Variants in CCDC85C observed in about 807,000 individuals in gnomAD.
The protein encoded by CCDC85C is coiled-coil domain containing 85C.
A neutral mutation model predicts 38.3 loss-of-function variants in CCDC85C; 18 were observed. The observed-to-expected ratio is 0.47, with a 90% confidence interval of 0.33 to 0.70. The LOEUF (loss-of-function observed/expected upper bound fraction) is 0.70, where lower values mean the gene tolerates loss of function less well. Ranked by LOEUF, CCDC85C falls within the 30% of genes least tolerant of loss-of-function variation. The pLI is 0.03. For synonymous variants in CCDC85C, 264 were observed against 293.8 expected (o/e 0.90, Z 1.04); for missense variants, 566 against 621.2 (o/e 0.91, Z 0.94).
rs1444020283 is a variant in CCDC85C, at chr14:99,515,330, G to C, written c.1176C>G (p.Val392=). 2 of 1,550,032 alleles carry C rather than the reference G, an allele frequency of 1.3e-6. No individual in the cohort carries two copies. Among genetic ancestry groups the C allele is most frequent in the Admixed American group, 2.0e-5 (1 of 50,990 alleles). ...KAIVREMCNV[V]WRKLGDAASS... is the part of the protein sequence containing the mutation. ...TGGCTGCATCTCCCAGCTTTCTCCA[G>C]ACCACCTGTGGAGAGGAGAGAGATG... The change falls in exon 6 of 6, where the codon GTC becomes GTG. Residue 392 remains valine, a synonymous_variant. Coordinates refer to ENST00000380243, the MANE Select transcript of CCDC85C (RefSeq NM_001144995.2).
chr14:99,555,626 C>T (rs1473551032), intron 1 of CCDC85C, among the ~76,000 whole-genome samples: 1 of 152,178 alleles, frequency 6.6e-6, no homozygotes, highest in Non-Finnish European at 1.5e-5. Flanking sequence ...AAAGGGGAAG[C>T]GGCCCTCCCA....
intron 1 of CCDC85C, among the ~76,000 whole-genome samples, chr14:99,557,611 G>C (rs1253180913): frequency 6.6e-6 from 1 of 152,204 alleles, no homozygotes; most frequent in East Asian, 1.9e-4. Context: ...ATGGCTCAGA[G>C]AAAGGAATGC....
intron 1 of CCDC85C, among the ~76,000 whole-genome samples, chr14:99,580,563 G>A (rs2054957629): frequency 6.6e-6 from 1 of 151,922 alleles, no homozygotes; most frequent in Non-Finnish European, 1.5e-5. Flanking sequence ...GGCTAATGGT[G>A]TTAAGGAACT....
rs939913445 is a variant in CCDC85C, at chr14:99,515,212, A to T, written c.*34T>A. On this transcript the variant is annotated 3_prime_UTR_variant, in exon 6 of 6. Transcript: ENST00000380243. Reference sequence around the variant, plus strand: ...CCTGAAACTCCCCCTGGGGACCCCCAGCAGGGCCAGTCCACGTCCACAGAA... The same window carrying T: ...CCTGAAACTCCCCCTGGGGACCCCCTGCAGGGCCAGTCCACGTCCACAGAA... The T allele has an allele frequency of 6.6e-7, 1 of 1,509,004 alleles. No individual in the cohort carries two copies. The highest frequency in any genetic ancestry group is 9.0e-7 in the Non-Finnish European group (1 of 1,111,860). 93.5% of individuals were successfully genotyped at this position (1,509,004 alleles called of 1,614,324 possible). A position where few individuals can be genotyped will look rare whatever the true frequency, so the allele number is the denominator to read the frequency against.
chr14:99,594,577 A>G (rs1431760323), intron 1 of CCDC85C, among the ~76,000 whole-genome samples: 2 of 152,238 alleles, frequency 1.3e-5, no homozygotes, highest in African/African-American at 4.8e-5. Context: ...CCAGGAATAT[A>G]AAAGAGCTGG....
intron 2 of CCDC85C, chr14:99,534,872 A>C (rs1225866465): frequency 1.6e-6 from 1 of 614,536 alleles, no homozygotes; most frequent in African/African-American, 1.8e-5. Flanking sequence ...CAGCCTTGCC[A>C]TTCAGAGCTT....
chr14:99,561,813 CG>C (rs1206547688), intron 1 of CCDC85C, among the ~76,000 whole-genome samples: 1 of 152,174 alleles, frequency 6.6e-6, no homozygotes, highest in East Asian at 1.9e-4. Flanking sequence ...AGCAGGGAGA[CG>C]GCCTTAGGTT....
In CCDC85C at chr14:99,544,382, G is replaced by A. The variant is rs1897767817; in HGVS notation, c.794-8294C>T. 1.3e-5 allele frequency among the ~76,000 whole-genome samples: 2 copies of A among 152,136 alleles called. No homozygotes were observed. Among genetic ancestry groups the A allele is most frequent in the East Asian group, 1.9e-4 (1 of 5,182 alleles). ...TTCATTCTAAGCTTTGCCTGGCAAG[G>A]AGGCACAGCAACTTTCACCTACTCC... On this transcript the variant is annotated intron_variant, in intron 1 of 5. Transcript: ENST00000380243. The surrounding 1 kb of genome is among the most constrained non-coding windows in gnomAD (Gnocchi z 5.3).
At chr14:99,534,923 G>A (rs1897564253) in intron 2 of CCDC85C, 6 of 583,662 alleles carry the variant, frequency 1.0e-5, no homozygotes, top group South Asian at 2.0e-5. Flanking sequence ...GGAGTGGGGG[G>A]CGGGGTGTGG....
In CCDC85C at chr14:99,569,564, C is replaced by T. The variant is rs887725409; in HGVS notation, c.794-33476G>A. Reference sequence around the variant, plus strand: ...AGGAAGGCTTTGAACAGACAAGAGACAGTGATTCAACGGTCCCAGGCCAAA... The same window carrying T: ...AGGAAGGCTTTGAACAGACAAGAGATAGTGATTCAACGGTCCCAGGCCAAA... On this transcript the variant is annotated intron_variant, in intron 1 of 5. Transcript: ENST00000380243. This position sits in a 1 kb window ranked among gnomAD's most constrained non-coding sequence, Gnocchi z 4.3. Among the ~76,000 whole-genome samples the T allele has an allele frequency of 2.0e-5, 3 of 152,312 alleles. No homozygotes were observed. Among genetic ancestry groups the T allele is most frequent in the East Asian group, 1.9e-4 (1 of 5,178 alleles).
At position 99,507,358 on chromosome 14, in the gene CCDC85C, C is replaced by T. The variant is rs1897001409; in HGVS notation, c.*7888G>A. ...TTGGGAGGCGGAGGCAGGAGAATCA[C>T]CTGACCCCAGGAGTTCGAGGTCAGC... On this transcript the variant is annotated 3_prime_UTR_variant, in exon 6 of 6. Transcript: ENST00000380243. 5 of 560,710 alleles carry T rather than the reference C, an allele frequency of 8.9e-6. No individual in the cohort carries two copies. The highest frequency in any genetic ancestry group is 1.6e-5 in the Non-Finnish European group (5 of 310,822). The allele number at this position is 560,710 out of a possible 1,614,324, so 34.7% of individuals were successfully genotyped here. A position where few individuals can be genotyped will look rare whatever the true frequency, so the allele number is the denominator to read the frequency against.
intron 1 of CCDC85C, chr14:99,580,029 G>A (rs938793190): frequency 4.8e-5 from 22 of 455,592 alleles, no homozygotes; most frequent in Non-Finnish European, 8.4e-5. Flanking sequence ...ACCCCGGAGT[G>A]AGTCACATGG....
At chr14:99,557,417 A>G (rs1898033354) in intron 1 of CCDC85C, among the ~76,000 whole-genome samples, 1 of 152,124 alleles carries the variant, frequency 6.6e-6, no homozygotes, top group Non-Finnish European at 1.5e-5. Context: ...TGCCTGGCTC[A>G]CTCTGTGATC....
rs542787565 is a variant in CCDC85C, at chr14:99,510,783, C to T, written c.*4463G>A. 89 of 1,432,500 alleles carry T rather than the reference C, an allele frequency of 6.2e-5. No homozygotes were observed. Among genetic ancestry groups the T allele is most frequent in the Non-Finnish European group, 7.6e-5 (83 of 1,093,834 alleles). 88.7% of individuals were successfully genotyped at this position (1,432,500 alleles called of 1,614,324 possible). On this transcript the variant is annotated 3_prime_UTR_variant, in exon 6 of 6. Transcript: ENST00000380243. The stretch of plus-strand genomic sequence containing the variant: ...GGGGCGGGCAGCCTGGATGAGATAA[C>T]GTGAGCCTTTTTTCCCTCTTTGTTT...
chr14:99,565,450 AC>A (rs1898197650), intron 1 of CCDC85C, among the ~76,000 whole-genome samples: 2 of 152,262 alleles, frequency 1.3e-5, no homozygotes, highest in South Asian at 4.1e-4. Flanking sequence ...ACAACCTAGA[AC>A]CCTCTACAAG....
At chr14:99,581,820 G>A (rs1489647615) in intron 1 of CCDC85C, among the ~76,000 whole-genome samples, 2 of 152,198 alleles carry the variant, frequency 1.3e-5, no homozygotes, top group African/African-American at 4.8e-5. Flanking sequence ...TTCGGGCTGC[G>A]TGGTGGATAA....
chr14:99,503,058 T>C lies in CCDC85C; in HGVS notation c.*12188A>G. The C allele has an allele frequency of 1.3e-6, 2 of 1,515,654 alleles. No homozygotes were observed. Among genetic ancestry groups the C allele is most frequent in the Non-Finnish European group, 1.8e-6 (2 of 1,091,350 alleles). The allele number at this position is 1,515,654 out of a possible 1,614,324, so 93.9% of individuals were successfully genotyped here. ...GGCAACACCTGAGCACTGTTCCCAT[T>C]TCTAAGCGAGCACAGGGAACACCGG... is the stretch of plus-strand genomic sequence containing the variant. On this transcript the variant is annotated 3_prime_UTR_variant, in exon 6 of 6. Transcript: ENST00000380243.
intron 1 of CCDC85C, among the ~76,000 whole-genome samples, chr14:99,594,220 C>G (rs1337423399): frequency 6.6e-6 from 1 of 152,158 alleles, no homozygotes; most frequent in Non-Finnish European, 1.5e-5. Context: ...GGACAGCAAG[C>G]AGAGGAACCT....
At chr14:99,596,083 C>T (rs1017918457) in intron 1 of CCDC85C, among the ~76,000 whole-genome samples, 4 of 152,180 alleles carry the variant, frequency 2.6e-5, no homozygotes, top group Admixed American at 6.5e-5. Context: ...TGGGGTGGGC[C>T]CCTGTCTTTC....
Sources: allele counts gnomAD v4.1 joint callset (sites outside exome capture counted in the v4.1 genomes callset), GRCh38; gene constraint gnomAD v4.1.1; non-coding constraint Gnocchi (gnomAD v3.1); transcripts MANE v1.5; gene names NCBI Gene and HGNC (gene_info 2026-07-23, HGNC 2026-07-21).